The following EBAG9 variants were observed in gnomAD, a reference collection of about 807,000 sequenced individuals.
The protein encoded by EBAG9 is estrogen receptor binding site associated antigen 9, also known as receptor-binding cancer antigen expressed on SiSo cells.
In EBAG9, 16 loss-of-function variants were observed where a neutral mutation model predicts 30.9. That is an observed-to-expected ratio of 0.52 (90% CI 0.35 to 0.79). The LOEUF (loss-of-function observed/expected upper bound fraction) is 0.79, where lower values mean the gene tolerates loss of function less well. EBAG9 is among the 30% of genes least tolerant of loss of function. EBAG9 has a pLI of 0.01. For missense variants in EBAG9, 197 were observed against 242.1 expected, an observed-to-expected ratio of 0.81 and a Z score of 1.24; for synonymous variants, 93 against 82.8, an observed-to-expected ratio of 1.12 and a Z score of -0.67.
At position 109,554,839 on chromosome 8, in the gene EBAG9, A is replaced by G; in HGVS notation, c.273A>G (p.Glu91=). The change falls in exon 4 of 7, where the codon GAA becomes GAG. Residue 91 remains glutamate (E), a synonymous_variant. Transcript: ENST00000337573. ...ATQQNSLEQL[E]PDYFKDMTPT... is the part of the protein sequence containing the mutation. ...AACAAAATTCTTTGGAACAACTGGA[A>G]CCTGACTATTTTAAGGACATGACAC... 2 of 1,613,844 alleles carry G rather than the reference A, an allele frequency of 1.2e-6. No homozygotes were observed. Among genetic ancestry groups the G allele is most frequent in the Non-Finnish European group, 1.7e-6 (2 of 1,179,798 alleles).
At chr8:109,550,988 C>T in intron 2 of EBAG9, 81 bp downstream of exon 2, 1 of 878,274 alleles carries the variant, frequency 1.1e-6, no homozygotes, top group South Asian at 1.5e-5. Context: ...ATTTCGTGGA[C>T]AGGACAGGTT....
At chr8:109,545,632 G>A (rs1490952089) in intron 1 of EBAG9, among the ~76,000 whole-genome samples, 1 of 152,004 alleles carries the variant, frequency 6.6e-6, no homozygotes, top group East Asian at 1.9e-4. Context: ...CAAAGCGCTG[G>A]GACTACAGAC....
At position 109,550,841 on chromosome 8, in the gene EBAG9, T is replaced by G. The variant is rs1333809225; in HGVS notation, c.17T>G (p.Phe6Cys). MAITQ[F>C]RLFKFCTCLA... ...ATTCCCACCATGGCCATCACCCAGT[T>G]TCGGTTATTTAAATTTTGTACCTGC... The change falls in exon 2 of 7, where the codon TTT (phenylalanine) becomes TGT (cysteine). Residue 6 changes from phenylalanine to cysteine, a missense_variant. By Grantham distance (205) the Phe-to-Cys change is radical. Transcript: ENST00000337573. 6.2e-7 allele frequency: 1 copy of G among 1,603,416 alleles called. No individual in the cohort carries two copies. Among genetic ancestry groups the G allele is most frequent in the East Asian group, 2.2e-5 (1 of 44,618 alleles).
chr8:109,554,877 A>G lies in EBAG9; in HGVS notation c.311A>G (p.Lys104Arg), dbSNP rs1821566219. The change falls in exon 4 of 7, where the codon AAA (lysine) becomes AGA (arginine). Residue 104 changes from lysine to arginine, a missense_variant. Lys to Arg is a conservative substitution (Grantham distance 26). Transcript: ENST00000337573. ...YFKDMTPTIRKTQKIVIKKRE... is the reference protein window; with the variant it reads ...YFKDMTPTIRRTQKIVIKKRE... Reference sequence around the variant, plus strand: ...AAGGACATGACACCAACTATTAGGAAAACTCAGAAAGTATGTTAAGATTTA... The same window carrying G: ...AAGGACATGACACCAACTATTAGGAGAACTCAGAAAGTATGTTAAGATTTA... 6.2e-7 allele frequency: 1 copy of G among 1,613,000 alleles called. No homozygotes were observed. The highest frequency in any genetic ancestry group is 2.2e-5 in the East Asian group (1 of 44,878).
intron 5 of EBAG9, among the ~76,000 whole-genome samples, chr8:109,558,936 A>G (rs1357745015): frequency 1.3e-5 from 2 of 152,100 alleles, no homozygotes; most frequent in South Asian, 2.1e-4. Flanking sequence ...ATGTAGACAA[A>G]TCTATCAATG....
chr8:109,549,160 T>G (rs949831196), intron 1 of EBAG9, among the ~76,000 whole-genome samples: 1 of 151,854 alleles, frequency 6.6e-6, no homozygotes, highest in Non-Finnish European at 1.5e-5. Flanking sequence ...TTGAGATGTT[T>G]ATATGGTTTT....
chr8:109,552,465 C>T (rs998433602), intron 2 of EBAG9, among the ~76,000 whole-genome samples: 3 of 151,924 alleles, frequency 2.0e-5, no homozygotes, highest in Non-Finnish European at 2.9e-5. Flanking sequence ...AGAGAATGGC[C>T]AGAAATTCAC....
chr8:109,548,048 T>A (rs1373807895), intron 1 of EBAG9, among the ~76,000 whole-genome samples: 1 of 152,132 alleles, frequency 6.6e-6, no homozygotes, highest in Non-Finnish European at 1.5e-5. Context: ...TTGTACTACC[T>A]AAAAATCTTT....
At position 109,550,845 on chromosome 8, in the gene EBAG9, G is replaced by C; in HGVS notation, c.21G>C (p.Arg7=). The C allele has an allele frequency of 6.2e-7, 1 of 1,603,876 alleles. No homozygotes were observed. The highest frequency in any genetic ancestry group is 8.5e-7 in the Non-Finnish European group (1 of 1,173,792). The change falls in exon 2 of 7, where the codon CGG becomes CGC. Residue 7 remains arginine (R), a synonymous_variant. Coordinates refer to ENST00000337573, the MANE Select transcript of EBAG9 (RefSeq NM_004215.5). ...CCACCATGGCCATCACCCAGTTTCGGTTATTTAAATTTTGTACCTGCCTAG... is the reference window on the plus strand; with the variant it reads ...CCACCATGGCCATCACCCAGTTTCGCTTATTTAAATTTTGTACCTGCCTAG... MAITQF[R]LFKFCTCLAT...
At chr8:109,546,589 A>G (rs766807346) in intron 1 of EBAG9, among the ~76,000 whole-genome samples, 8 of 152,232 alleles carry the variant, frequency 5.3e-5, no homozygotes, top group East Asian at 1.9e-4. Context: ...CTGCAGCCCA[A>G]TGCAAATTAG....
chr8:109,559,805 C>T (rs1027801463), intron 5 of EBAG9, among the ~76,000 whole-genome samples: 1 of 151,072 alleles, frequency 6.6e-6, no homozygotes, highest in African/African-American at 2.4e-5. Flanking sequence ...CAAAGTGAAA[C>T]GCTGATTCCT....
intron 1 of EBAG9, among the ~76,000 whole-genome samples, chr8:109,542,886 A>G (rs2131095934): frequency 6.6e-6 from 1 of 152,278 alleles, no homozygotes; most frequent in African/African-American, 2.4e-5. Context: ...AAAATACTAG[A>G]ATTAAGAAGA....
chr8:109,564,114 AT>A (rs1443927405), intron 6 of EBAG9, among the ~76,000 whole-genome samples: 1 of 152,116 alleles, frequency 6.6e-6, no homozygotes, highest in Non-Finnish European at 1.5e-5. Flanking sequence ...AATGGAGATA[AT>A]CTAAATAAGA....
chr8:109,564,652 A>G lies in EBAG9; in HGVS notation c.*93A>G. The G allele has an allele frequency of 6.5e-6, 10 of 1,528,456 alleles. No homozygotes were observed. The highest frequency in any genetic ancestry group is 1.2e-5 in the South Asian group (1 of 81,286). 94.7% of individuals were successfully genotyped at this position (1,528,456 alleles called of 1,614,324 possible). On this transcript the variant is annotated 3_prime_UTR_variant, in exon 7 of 7. Transcript: ENST00000337573. ...GGATTTAAGAGTATTTTAAGAAGAC[A>G]TACTGCTTGATTTTAATACATTGAT...
rs138797547 is a variant in EBAG9 at position 109,542,660 on chromosome 8, A to G, written c.-16+2199A>G. Among the ~76,000 whole-genome samples the G allele has an allele frequency of 5.9e-5, 9 of 152,240 alleles. No individual in the cohort carries two copies. In the East Asian group the frequency reaches 1.2e-3, roughly 20 times the overall value. On this transcript the variant is annotated intron_variant, in intron 1 of 6. Coordinates refer to ENST00000337573, the MANE Select transcript of EBAG9 (RefSeq NM_004215.5). ...TTGATTGAGAGTTTTGTTCTTGACA[A>G]ATCAGCTTTAAATGAAGTGATTGTT... is the stretch of plus-strand genomic sequence containing the variant.
At chr8:109,553,777 T>C in intron 2 of EBAG9, 88 bp from the exon 3 acceptor site, 1 of 957,092 alleles carries the variant, frequency 1.0e-6, no homozygotes, top group South Asian at 1.6e-5. Flanking sequence ...GATCTTGTTT[T>C]ATAAGCCTTC....
At chr8:109,553,825 T>G (rs921335390) in intron 2 of EBAG9, 40 bp from the exon 3 acceptor site, 1 of 1,526,374 alleles carries the variant, frequency 6.6e-7, no homozygotes, top group African/African-American at 1.4e-5. Context: ...TTTGCTTGTT[T>G]TGGTGGTTCT....
chr8:109,559,128 C>G (rs188281409), intron 5 of EBAG9, among the ~76,000 whole-genome samples: 2 of 152,228 alleles, frequency 1.3e-5, no homozygotes, highest in Non-Finnish European at 2.9e-5. Context: ...AAGAAATAGA[C>G]ATAACCTAAT....
chr8:109,542,556 C>CCA (rs1256221012), intron 1 of EBAG9, among the ~76,000 whole-genome samples: 10 of 152,154 alleles, frequency 6.6e-5, no homozygotes, highest in Non-Finnish European at 1.0e-4. Context: ...ACCACACGTT[C>CCA]TGTAGTCTCT....
Sources: allele counts gnomAD v4.1 joint callset (sites outside exome capture counted in the v4.1 genomes callset), GRCh38; gene constraint gnomAD v4.1.1; transcripts MANE v1.5; gene names NCBI Gene and HGNC (gene_info 2026-07-23, HGNC 2026-07-21).